CCDC136: variants seen among roughly 807,000 people sequenced by gnomAD.
CCDC136 encodes coiled-coil domain containing 136, also known as coiled-coil domain-containing protein 136.
Under a neutral mutation model 141.2 loss-of-function variants are expected in CCDC136, and 100 were observed. The ratio of observed to expected loss-of-function variants is 0.71; its 90% confidence interval spans 0.60 to 0.84. CCDC136 has a LOEUF of 0.84. Ranked by LOEUF, CCDC136 falls within the 40% of genes least tolerant of loss-of-function variation. The pLI is 0.00. For synonymous variants in CCDC136, 474 were observed against 531.9 expected (o/e 0.89, Z 1.50); for missense variants, 1,206 against 1,379.4 (o/e 0.87, Z 1.99).
chr7:128,805,455 T>G lies in CCDC136; in HGVS notation c.879T>G (p.Asp293Glu). 1 of 1,613,944 alleles carries G rather than the reference T, an allele frequency of 6.2e-7. No homozygotes were observed. Among genetic ancestry groups the G allele is most frequent in the Non-Finnish European group, 8.5e-7 (1 of 1,179,870 alleles). The change falls in exon 6 of 18, where the codon GAT becomes GAG. Residue 293 changes from aspartate (D) to glutamate (E), a missense_variant. Physicochemically the swap from Asp to Glu is conservative, Grantham distance 45 (BLOSUM62 2). Transcript: ENST00000297788. This position sits in a 1 kb window ranked among gnomAD's most constrained non-coding sequence, Gnocchi z 4.6. ...CAGAAATGGATTTCTTAGAGCCTGA[T>G]CCTGAAATGCAGTTGTTACGGCAGC... Reference protein sequence around the residue: ...QTSEMDFLEPDPEMQLLRQQL... With the variant: ...QTSEMDFLEPEPEMQLLRQQL...
At chr7:128,808,672 G>A (rs1457048888) in intron 10 of CCDC136, 2 of 985,270 alleles carry the variant, frequency 2.0e-6, no homozygotes, top group East Asian at 1.1e-4. Context: ...GGACTGGGAA[G>A]GTTATTTGGG....
chr7:128,806,124 G>A, intron 7 of CCDC136, 113 bp from the exon 8 acceptor site: 1 of 1,069,606 alleles, frequency 9.3e-7, no homozygotes, highest in African/African-American at 1.6e-5. Flanking sequence ...CCAAACCCTA[G>A]ACCTGTGGGA....
Position 128,801,401 on chromosome 7 carries a change from A to C in CCDC136, c.562A>C (p.Ile188Leu). Residue 188 changes from isoleucine (I) to leucine (L), a missense_variant, in exon 4 of 18, where the codon ATT becomes CTT. Physicochemically the swap from Ile to Leu is conservative, Grantham distance 5. Transcript: ENST00000297788. ...MQNELEDMERIRGDYEMEIAS... is the reference protein window; with the variant it reads ...MQNELEDMERLRGDYEMEIAS... ...GAATGAACTTGAAGACATGGAACGC[A>C]TTCGGGGAGATTATGAGATGGAGAT... 6.2e-7 allele frequency: 1 copy of C among 1,613,498 alleles called. No individual in the cohort carries two copies.
intron 3 of CCDC136, among the ~76,000 whole-genome samples, chr7:128,795,860 A>G (rs1006342564): frequency 6.6e-6 from 1 of 152,228 alleles, no homozygotes; most frequent in African/African-American, 2.4e-5. Context: ...TCTCTGCCCT[A>G]ATGAAGAGTA....
In CCDC136 at chr7:128,805,767, G is replaced by A. The variant is rs776486896; in HGVS notation, c.955G>A (p.Glu319Lys). ...QMHGMKNKCQ[E>K]LCCELEELQH... The stretch of plus-strand genomic sequence containing the variant: ...TGTTCCATTTCCCACATAGTGTCAG[G>A]AATTGTGTTGTGAGTTGGAAGAGCT... Residue 319 changes from glutamate (E) to lysine (K), a missense_variant, in exon 7 of 18, where the codon GAA (glutamate) becomes AAA (lysine). Physicochemically the swap from Glu to Lys is moderately conservative, Grantham distance 56 (BLOSUM62 1). Transcript: ENST00000297788. This position sits in a 1 kb window ranked among gnomAD's most constrained non-coding sequence, Gnocchi z 4.6. 1.4e-5 allele frequency: 22 copies of A among 1,611,846 alleles called. No individual in the cohort carries two copies. Among genetic ancestry groups the A allele is most frequent in the African/African-American group, 2.7e-5 (2 of 74,898 alleles).
upstream of CCDC136, chr7:128,791,879 TG>T: frequency 2.4e-6 from 1 of 423,912 alleles, no homozygotes; most frequent in Non-Finnish European, 3.7e-6. This position sits in a 1 kb window ranked among gnomAD's most constrained non-coding sequence, Gnocchi z 7.1. Flanking sequence ...GAGGGTGGGG[TG>T]GGCAAGGTCC....
upstream of CCDC136, chr7:128,791,356 G>C (rs558183401): frequency 6.2e-6 from 3 of 483,218 alleles, no homozygotes; most frequent in Non-Finnish European, 9.6e-6. The surrounding 1 kb of genome is among the most constrained non-coding windows in gnomAD (Gnocchi z 7.1). Flanking sequence ...GCGAGCGGCG[G>C]GGGGCGGTGT....
intron 4 of CCDC136, 30 bp downstream of exon 4, chr7:128,801,539 G>A: frequency 1.4e-6 from 2 of 1,451,578 alleles, no homozygotes; most frequent in Non-Finnish European, 1.9e-6. Flanking sequence ...GGTCAGTAAA[G>A]TCAAGCAGAG....
rs1361618400 is a variant in CCDC136 at position 128,809,680 on chromosome 7, A to T, written c.1800+36A>T. ...CACAGGCAGCTGCTAACTGCGGGGA[A>T]GCTGCTCTGAGAAGCTTCCCTGTGT... On this transcript the variant is annotated intron_variant, in intron 11 of 17. Transcript: ENST00000297788. The T allele has an allele frequency of 2.1e-6, 3 of 1,429,338 alleles. No homozygotes were observed. The South Asian group carries it at 4.3e-5, about 21-fold the overall frequency. 88.5% of individuals were successfully genotyped at this position (1,429,338 alleles called of 1,614,324 possible).
intron 3 of CCDC136, among the ~76,000 whole-genome samples, chr7:128,796,629 A>C (rs552397932): frequency 6.6e-6 from 1 of 151,784 alleles, no homozygotes; most frequent in Admixed American, 6.6e-5. Context: ...GAAGTGACTC[A>C]GAACAGTGAG....
At chr7:128,813,438 G>A (rs1181809941) in intron 14 of CCDC136, among the ~76,000 whole-genome samples, 1 of 152,148 alleles carries the variant, frequency 6.6e-6, no homozygotes, top group Non-Finnish European at 1.5e-5. Context: ...GTATACACAC[G>A]GGAGAGATTC....
In CCDC136 at chr7:128,822,117, T is replaced by C. The variant is rs188901467; in HGVS notation, c.*324T>C. ...AACCTGAGTTCCTTGTAATTAAATA[T>C]CAACTGAATTACATGAGACTGTGGA... On this transcript the variant is annotated 3_prime_UTR_variant, in exon 18 of 18. Transcript: ENST00000297788. 3.4e-6 allele frequency: 4 copies of C among 1,174,024 alleles called. No individual in the cohort carries two copies. The highest frequency in any genetic ancestry group is 7.4e-5 in the Admixed American group (2 of 26,888). 72.7% of individuals were successfully genotyped at this position (1,174,024 alleles called of 1,614,324 possible).
At position 128,794,230 on chromosome 7, in the gene CCDC136, G is replaced by T; in HGVS notation, c.17-118G>T. ...GGTCTTGCCCCGGGGCTCCTTGGGG[G>T]ACACCAGGTGGCACTAGTATGTCAT... On this transcript the variant is annotated intron_variant, in intron 1 of 17. Coordinates refer to ENST00000297788, the MANE Select transcript of CCDC136 (RefSeq NM_022742.5). The surrounding 1 kb of genome is among the most constrained non-coding windows in gnomAD (Gnocchi z 4.3). 1 of 1,423,596 alleles carries T rather than the reference G, an allele frequency of 7.0e-7. No homozygotes were observed. Among genetic ancestry groups the T allele is most frequent in the Non-Finnish European group, 9.7e-7 (1 of 1,035,118 alleles). 88.2% of individuals were successfully genotyped at this position (1,423,596 alleles called of 1,614,324 possible).
Position 128,806,720 on chromosome 7 carries a change from C to G in CCDC136, c.1281C>G (p.Leu427=), listed in dbSNP as rs912624535. The G allele has an allele frequency of 1.2e-6, 2 of 1,611,016 alleles. No individual in the cohort carries two copies. The highest frequency in any genetic ancestry group is 8.5e-7 in the Non-Finnish European group (1 of 1,179,386). The change falls in exon 9 of 18, where the codon CTC becomes CTG. Residue 427 remains leucine, a synonymous_variant. Coordinates refer to ENST00000297788, the MANE Select transcript of CCDC136 (RefSeq NM_022742.5). ...TGTGCCGGCTGCAGAAGCTGCACCT[C>G]CAGCACCAGAACGTCACATGTGAGA... The part of the protein sequence containing the change: ...ELLCRLQKLH[L]QHQNVTCEKE...
Position 128,792,163 on chromosome 7 carries a change from A to T in CCDC136, c.-249A>T. On this transcript the variant is annotated 5_prime_UTR_variant, in exon 1 of 18. Transcript: ENST00000297788. ...CAGGGCTGAGAGGTGGCCGAGAGAG[A>T]GGAGTCGCAGAGCCGCCAGAGTGAG... The T allele has an allele frequency of 7.0e-7, 1 of 1,435,712 alleles. No homozygotes were observed. The highest frequency in any genetic ancestry group is 9.1e-7 in the Non-Finnish European group (1 of 1,101,556). 88.9% of individuals were successfully genotyped at this position (1,435,712 alleles called of 1,614,324 possible).
In CCDC136 at chr7:128,811,650, G is replaced by C. The variant is rs143214946; in HGVS notation, c.2029-150G>C. ...AACTGATACATGCCAGTTACCTATA[G>C]GCTAAGTCAGAGACATAGGCCGGGG... On this transcript the variant is annotated intron_variant, in intron 12 of 17. Coordinates refer to ENST00000297788, the MANE Select transcript of CCDC136 (RefSeq NM_022742.5). 2.7e-4 allele frequency: 185 copies of C among 685,712 alleles called. 3 individuals carry two copies. In the East Asian group the frequency reaches 5.0e-3, roughly 19 times the overall value. 42.5% of individuals were successfully genotyped at this position (685,712 alleles called of 1,614,324 possible). A position where few individuals can be genotyped will look rare whatever the true frequency, so the allele number is the denominator to read the frequency against.
At chr7:128,808,314 G>C (rs1562922640) in intron 10 of CCDC136, among the ~76,000 whole-genome samples, 1 of 152,212 alleles carries the variant, frequency 6.6e-6, no homozygotes, top group Non-Finnish European at 1.5e-5. Flanking sequence ...TGGGATTACA[G>C]GCATGAGCCG....
chr7:128,811,011 A>G (rs1026255876), intron 12 of CCDC136, among the ~76,000 whole-genome samples: 2 of 152,242 alleles, frequency 1.3e-5, no homozygotes, highest in African/African-American at 4.8e-5. Flanking sequence ...GGAGATCACC[A>G]TACAATTCTC....
chr7:128,791,328 G>A (rs1026970023), upstream of CCDC136: 24 of 384,784 alleles, frequency 6.2e-5, no homozygotes, highest in Admixed American at 2.8e-4. This position sits in a 1 kb window ranked among gnomAD's most constrained non-coding sequence, Gnocchi z 7.1. Context: ...CGAGTGCTGG[G>A]AGGGCTTCCG....
Sources: allele counts gnomAD v4.1 joint callset (sites outside exome capture counted in the v4.1 genomes callset), GRCh38; gene constraint gnomAD v4.1.1; non-coding constraint Gnocchi (gnomAD v3.1); transcripts MANE v1.5; gene names NCBI Gene and HGNC (gene_info 2026-07-23, HGNC 2026-07-21).